Variants in KCTD16 observed in about 807,000 individuals in gnomAD.
The protein encoded by KCTD16 is potassium channel tetramerization domain containing 16, also known as BTB/POZ domain-containing protein KCTD16.
A neutral mutation model predicts 33.2 loss-of-function variants in KCTD16; 13 were observed. The ratio of observed to expected loss-of-function variants is 0.39; its 90% CI spans 0.25 to 0.62. The LOEUF (loss-of-function observed/expected upper bound fraction) is 0.62, where lower values mean the gene tolerates loss of function less well. Among genes scored for constraint, KCTD16 ranks in the 20% least tolerant of loss-of-function variants. The probability of loss-of-function intolerance (pLI) is 0.50; values close to 1 mark genes in which losing one functional copy is unlikely to be tolerated. For synonymous variants in KCTD16, 197 were observed against 195.3 expected (o/e 1.01, Z -0.07); for missense variants, 441 against 525.1 (o/e 0.84, Z 1.57).
chr5:144,311,667 A>G (rs892201623), intron 3 of KCTD16, among the ~76,000 whole-genome samples: 2 of 152,210 alleles, frequency 1.3e-5, no homozygotes, highest in Non-Finnish European at 2.9e-5. Context: ...TTTATGATAT[A>G]TTCTGTCATA....
At chr5:144,192,412 T>C (rs8180428) in intron 2 of KCTD16, among the ~76,000 whole-genome samples, 68,949 of 152,164 alleles carry the variant, frequency 0.45, 16,541 homozygotes, top group African/African-American at 0.61. Flanking sequence ...TTTTATAGTT[T>C]GCTTAATCAT....
intron 3 of KCTD16, among the ~76,000 whole-genome samples, chr5:144,372,715 G>T (rs1031779735): frequency 3.3e-5 from 5 of 152,176 alleles, no homozygotes. Flanking sequence ...GGGAGGCAAG[G>T]TCTGTGTGAT....
intron 3 of KCTD16, among the ~76,000 whole-genome samples, chr5:144,397,429 G>T (rs1253924652): frequency 1.3e-5 from 2 of 152,084 alleles, no homozygotes; most frequent in Non-Finnish European, 2.9e-5. Context: ...AATCCTTTGG[G>T]TATATACCCA....
intron 3 of KCTD16, among the ~76,000 whole-genome samples, chr5:144,391,701 A>G (rs1402131218): frequency 6.6e-6 from 1 of 152,228 alleles, no homozygotes; most frequent in Non-Finnish European, 1.5e-5. Flanking sequence ...ATGAATTTGA[A>G]GGACCATTTG....
intron 3 of KCTD16, among the ~76,000 whole-genome samples, chr5:144,379,926 T>C (rs1752173853): frequency 6.6e-6 from 1 of 152,272 alleles, no homozygotes; most frequent in East Asian, 1.9e-4. Context: ...GTATTGTAAA[T>C]GTAGTCTATA....
At chr5:144,412,270 C>T (rs768174739) in intron 3 of KCTD16, among the ~76,000 whole-genome samples, 23 of 152,164 alleles carry the variant, frequency 1.5e-4, no homozygotes, top group Non-Finnish European at 2.9e-4. Context: ...TGGAATCAAC[C>T]TATGTGCTCA....
intron 3 of KCTD16, among the ~76,000 whole-genome samples, chr5:144,433,873 T>C (rs752807639): frequency 6.6e-6 from 1 of 152,186 alleles, no homozygotes; most frequent in Non-Finnish European, 1.5e-5. Flanking sequence ...GTTGTTGTTA[T>C]AGTCACTGCC....
intron 3 of KCTD16, among the ~76,000 whole-genome samples, chr5:144,463,345 T>C (rs2126994048): frequency 6.6e-6 from 1 of 152,332 alleles, no homozygotes; most frequent in South Asian, 2.1e-4. Flanking sequence ...TTGTTAAGTG[T>C]TTACATACTG....
chr5:144,251,835 A>T, intron 3 of KCTD16, among the ~76,000 whole-genome samples: 1 of 152,208 alleles, frequency 6.6e-6, no homozygotes, highest in South Asian at 2.1e-4. Flanking sequence ...TTAGTTTTTC[A>T]TAAGTTGAAT....
chr5:144,459,069 T>G (rs1580980836), intron 3 of KCTD16, among the ~76,000 whole-genome samples: 3 of 152,354 alleles, frequency 2.0e-5, no homozygotes, highest in Admixed American at 2.0e-4. Flanking sequence ...ACCAAGTAAG[T>G]GTTCTGTATA....
chr5:144,380,445 A>G (rs903989010), intron 3 of KCTD16, among the ~76,000 whole-genome samples: 2 of 152,204 alleles, frequency 1.3e-5, no homozygotes, highest in Admixed American at 1.3e-4. Flanking sequence ...AATGCTATTT[A>G]TATCAAACTA....
At chr5:144,323,922 G>A (rs1287273523) in intron 3 of KCTD16, among the ~76,000 whole-genome samples, 3 of 152,086 alleles carry the variant, frequency 2.0e-5, no homozygotes, top group African/African-American at 7.2e-5. Flanking sequence ...TTTTACAATT[G>A]CATCTTCATG....
chr5:144,244,700 T>C (rs1754502429), intron 3 of KCTD16, among the ~76,000 whole-genome samples: 1 of 152,190 alleles, frequency 6.6e-6, no homozygotes, highest in East Asian at 1.9e-4. Context: ...CAATGTACCT[T>C]CAAAGTAGAC....
intron 3 of KCTD16, among the ~76,000 whole-genome samples, chr5:144,417,740 T>C (rs1028443044): frequency 6.6e-6 from 1 of 152,200 alleles, no homozygotes; most frequent in African/African-American, 2.4e-5. Context: ...AGGTCTCCTA[T>C]GTTCATTGAT....
At chr5:144,365,635 C>T (rs181747911) in intron 3 of KCTD16, among the ~76,000 whole-genome samples, 1 of 152,256 alleles carries the variant, frequency 6.6e-6, no homozygotes, top group Non-Finnish European at 1.5e-5. Context: ...CCTTGTGTTT[C>T]AGGTAATGGC....
intron 3 of KCTD16, among the ~76,000 whole-genome samples, chr5:144,267,240 C>T (rs1171706169): frequency 6.6e-6 from 1 of 152,088 alleles, no homozygotes; most frequent in Non-Finnish European, 1.5e-5. Context: ...AACCTATGCC[C>T]CACCGTATAT....
intron 3 of KCTD16, among the ~76,000 whole-genome samples, chr5:144,268,246 T>G (rs1178640694): frequency 6.6e-6 from 1 of 152,152 alleles, no homozygotes; most frequent in African/African-American, 2.4e-5. Context: ...CAAATGTAGA[T>G]CAGTGCTATG....
intron 3 of KCTD16, among the ~76,000 whole-genome samples, chr5:144,411,994 A>T (rs1752943404): frequency 6.6e-6 from 1 of 152,216 alleles, no homozygotes; most frequent in Non-Finnish European, 1.5e-5. Context: ...AACCCAGTTC[A>T]AATGGTTTTT....
At chr5:144,318,688 C>T (rs1214135145) in intron 3 of KCTD16, among the ~76,000 whole-genome samples, 1 of 152,128 alleles carries the variant, frequency 6.6e-6, no homozygotes, top group Non-Finnish European at 1.5e-5. Context: ...TTAAATGCCT[C>T]TTAGCAAGTG....
Sources: allele counts gnomAD v4.1 joint callset (sites outside exome capture counted in the v4.1 genomes callset), GRCh38; gene constraint gnomAD v4.1.1; transcripts MANE v1.5; gene names NCBI Gene and HGNC (gene_info 2026-07-23, HGNC 2026-07-21).